TCEA3: variants seen among roughly 807,000 people sequenced by gnomAD.
TCEA3 encodes the protein transcription elongation factor A protein 3.
A neutral mutation model predicts 44.0 loss-of-function variants in TCEA3; 36 were observed. That is an observed-to-expected ratio of 0.82 (90% CI 0.63 to 1.08). TCEA3 has a LOEUF of 1.08. TCEA3 is among the 50% of genes least tolerant of loss of function. TCEA3 has a pLI of 0.00. For missense variants in TCEA3, 392 were observed against 441.2 expected (o/e 0.89, Z 1.00); for synonymous variants, 162 against 159.7 (o/e 1.01, Z -0.11).
At chr1:23,418,066 C>T in intron 2 of TCEA3, 57 bp from the exon 3 acceptor site, 1 of 1,549,778 alleles carries the variant, frequency 6.5e-7, no homozygotes, top group Non-Finnish European at 8.9e-7. Context: ...GAATGGCTGC[C>T]ATCATTGGCA....
chr1:23,397,762 C>G (rs758902058), intron 6 of TCEA3, 30 bp downstream of exon 6: 2 of 1,613,644 alleles, frequency 1.2e-6, no homozygotes, highest in South Asian at 2.2e-5. Flanking sequence ...GACTCCTTCC[C>G]TCCCTCATCC....
chr1:23,383,123 CA>C (rs918107685), intron 10 of TCEA3, among the ~76,000 whole-genome samples: 63 of 151,890 alleles, frequency 4.1e-4, no homozygotes, highest in African/African-American at 1.3e-3. Flanking sequence ...ACTAAAAATA[CA>C]AAAAAATTAG....
intron 9 of TCEA3, among the ~76,000 whole-genome samples, chr1:23,386,440 G>A (rs1006803910): frequency 3.3e-5 from 5 of 152,110 alleles, no homozygotes; most frequent in African/African-American, 9.7e-5. Flanking sequence ...GTTTCACCAC[G>A]TTGCCCAGGC....
intron 4 of TCEA3, among the ~76,000 whole-genome samples, chr1:23,412,475 G>T (rs1289987892): frequency 6.6e-6 from 1 of 151,836 alleles, no homozygotes; most frequent in African/African-American, 2.4e-5. Flanking sequence ...GGCTGAGGTG[G>T]GCGGATCACT....
intron 5 of TCEA3, among the ~76,000 whole-genome samples, chr1:23,399,692 G>A (rs1453513963): frequency 6.7e-6 from 1 of 148,968 alleles, no homozygotes; most frequent in African/African-American, 2.5e-5. Flanking sequence ...TTTTGAGAGG[G>A]TGTCTCACTC....
At chr1:23,421,224 T>C (rs576226651) in intron 1 of TCEA3, among the ~76,000 whole-genome samples, 16 of 152,236 alleles carry the variant, frequency 1.1e-4, no homozygotes, top group Admixed American at 2.0e-4. Context: ...ACAATGGCCC[T>C]ATCGGGTAGG....
intron 5 of TCEA3, among the ~76,000 whole-genome samples, chr1:23,400,815 C>T (rs937077219): frequency 6.6e-6 from 1 of 152,160 alleles, no homozygotes; most frequent in Non-Finnish European, 1.5e-5. Flanking sequence ...CTCCAGGAGG[C>T]ACCATTTACA....
At position 23,417,308 on chromosome 1, in the gene TCEA3, G is replaced by A; in HGVS notation, c.321C>T (p.Asp107=). 6.2e-7 allele frequency: 1 copy of A among 1,614,012 alleles called. No homozygotes were observed. The change falls in exon 4 of 11, where the codon GAC becomes GAT. Residue 107 remains aspartate, a synonymous_variant. Transcript: ENST00000450454. The part of the protein sequence containing the change: ...KKKEKGLECS[D]WKPEAGLSPP... ...GAGAAAGGCCTGCTTCTGGCTTCCAGTCTGAACACTCAAGCCCTTTTTCCT... is the reference window on the plus strand; with the variant it reads ...GAGAAAGGCCTGCTTCTGGCTTCCAATCTGAACACTCAAGCCCTTTTTCCT...
chr1:23,391,048 C>T (rs1030183977), intron 8 of TCEA3, among the ~76,000 whole-genome samples: 15 of 151,612 alleles, frequency 9.9e-5, no homozygotes, highest in Admixed American at 5.3e-4. Flanking sequence ...AGAGAGACAC[C>T]GTCCACATGG....
At chr1:23,404,755 T>G (rs1458916545) in intron 5 of TCEA3, among the ~76,000 whole-genome samples, 1 of 151,800 alleles carries the variant, frequency 6.6e-6, no homozygotes, top group Non-Finnish European at 1.5e-5. Context: ...GCCCAGGAGT[T>G]CGAGACCAGC....
chr1:23,412,114 A>G (rs1639727815), intron 4 of TCEA3: 1 of 152,340 alleles, frequency 6.6e-6, no homozygotes, highest in Admixed American at 6.5e-5. Flanking sequence ...AGCTGATAGT[A>G]GGATATTTCT....
chr1:23,393,420 A>C (rs1639120837), intron 8 of TCEA3, among the ~76,000 whole-genome samples: 1 of 151,552 alleles, frequency 6.6e-6, no homozygotes. Flanking sequence ...CCACACACAC[A>C]CCCCACATAT....
At chr1:23,413,377 C>T (rs1001163610) in intron 4 of TCEA3, among the ~76,000 whole-genome samples, 1 of 152,036 alleles carries the variant, frequency 6.6e-6, no homozygotes, top group Admixed American at 6.6e-5. Flanking sequence ...ATCCACCTGC[C>T]TCCACCTCCC....
At chr1:23,400,665 A>C (rs574185665) in intron 5 of TCEA3, among the ~76,000 whole-genome samples, 2 of 152,094 alleles carry the variant, frequency 1.3e-5, no homozygotes, top group African/African-American at 4.8e-5. Flanking sequence ...GCCAGCCCCT[A>C]TATCTCTGTT....
chr1:23,399,147 T>TATATATAC (rs1233749897), intron 5 of TCEA3, among the ~76,000 whole-genome samples: 3 of 95,218 alleles, frequency 3.2e-5, no homozygotes, highest in Non-Finnish European at 5.7e-5. Context: ...TATATATGTA[T>TATATATAC]ATATATATAT....
intron 1 of TCEA3, 154 bp from the exon 2 acceptor site, chr1:23,419,293 A>C: frequency 1.3e-5 from 7 of 523,576 alleles, no homozygotes; most frequent in East Asian, 3.3e-5. Flanking sequence ...ACGAGAAACA[A>C]TCTGTCCTAG....
Position 23,404,024 on chromosome 1 carries a change from C to T in TCEA3, c.443+4640G>A, listed in dbSNP as rs1639472110. ...ATTTATCAACAGCTTCCTTCTGCTC[C>T]CCGGATGTGCCCGCACCGCACCAGT... On this transcript the variant is annotated intron_variant, in intron 5 of 10. Transcript: ENST00000450454. 7.4e-6 allele frequency: 5 copies of T among 674,388 alleles called. No homozygotes were observed. In the South Asian group the frequency reaches 7.6e-5, roughly 10 times the overall value. The allele number at this position is 674,388 out of a possible 1,614,324, so 41.8% of individuals were successfully genotyped here. A position where few individuals can be genotyped will look rare whatever the true frequency, so the allele number is the denominator to read the frequency against.
In TCEA3 at chr1:23,424,654, G is replaced by A. The variant is rs772153669; in HGVS notation, c.-21C>T. 1 of 1,597,182 alleles carries A rather than the reference G, an allele frequency of 6.3e-7. No individual in the cohort carries two copies. The highest frequency in any genetic ancestry group is 1.1e-5 in the South Asian group (1 of 90,620). On this transcript the variant is annotated 5_prime_UTR_variant, in exon 1 of 11. Transcript: ENST00000450454. ...CCCATGTTGGCCCGCGACGCCCGGC[G>A]GGGCGAGGGGCACAGGGGCAGCAGT... is the stretch of plus-strand genomic sequence containing the variant.
In TCEA3 at chr1:23,397,798, C is replaced by T. The variant is rs199705108; in HGVS notation, c.601G>A (p.Ala201Thr). The change falls in exon 6 of 11, where the codon GCG becomes ACG. Residue 201 changes from alanine (A) to threonine (T), a missense_variant. By Grantham distance (58) the Ala-to-Thr change is moderately conservative. Transcript: ENST00000450454. ...CVEMLSAALK[A>T]DDDYKDYGVN... Reference sequence around the variant, plus strand: ...CTAGCCCAGGCTCTCTCACCGTCCGCCTTCAGGGCTGCTGACAGCATCTCC... The same window carrying T: ...CTAGCCCAGGCTCTCTCACCGTCCGTCTTCAGGGCTGCTGACAGCATCTCC... 1.2e-6 allele frequency: 2 copies of T among 1,613,944 alleles called. No homozygotes were observed. Among genetic ancestry groups the T allele is most frequent in the African/African-American group, 1.3e-5 (1 of 75,014 alleles).
Sources: allele counts gnomAD v4.1 joint callset (sites outside exome capture counted in the v4.1 genomes callset), GRCh38; gene constraint gnomAD v4.1.1; transcripts MANE v1.5; gene names NCBI Gene and HGNC (gene_info 2026-07-23, HGNC 2026-07-21).